The following FHAD1 variants were observed in gnomAD, a reference collection of about 807,000 sequenced individuals.
FHAD1 encodes the protein forkhead-associated domain-containing protein 1.
Under a neutral mutation model 191.3 loss-of-function variants are expected in FHAD1, and 146 were observed. That is an observed-to-expected ratio of 0.76 (90% confidence interval 0.67 to 0.88). The LOEUF (loss-of-function observed/expected upper bound fraction) is 0.88, where lower values mean the gene tolerates loss of function less well. FHAD1 is among the 40% of genes least tolerant of loss of function. The probability of loss-of-function intolerance (pLI) is 0.00; values close to 1 mark genes in which losing one functional copy is unlikely to be tolerated. For missense variants in FHAD1, 1,635 were observed against 1,785.8 expected, an observed-to-expected ratio of 0.92 and a Z score of 1.52; for synonymous variants, 616 against 672.3, an observed-to-expected ratio of 0.92 and a Z score of 1.29.
intron 32 of FHAD1, chr1:15,388,463 A>C: frequency 2.0e-3 from 2,091 of 1,045,368 alleles, no homozygotes; most frequent in Non-Finnish European, 2.3e-3. Context: ...GCTTCAGCTC[A>C]TGGAGCAGCC....
intron 4 of FHAD1, among the ~76,000 whole-genome samples, chr1:15,290,694 CTTT>C (rs34777607): frequency 5.8e-5 from 8 of 138,284 alleles, no homozygotes; most frequent in Admixed American, 7.6e-5. Flanking sequence ...TTAATATGAA[CTTT>C]TTTTTTTTTT....
At chr1:15,400,792 G>A (rs76629649), downstream of FHAD1, among the ~76,000 whole-genome samples, 204 of 152,334 alleles carry the variant, frequency 1.3e-3, no homozygotes, top group African/African-American at 4.5e-3. Context: ...GACTAGGCTC[G>A]TTCACATGTG....
chr1:15,367,426 G>A (rs1334508699), intron 24 of FHAD1, 37 bp from the exon 25 acceptor site: 2 of 1,541,458 alleles, frequency 1.3e-6, no homozygotes, highest in East Asian at 4.9e-5. Context: ...AACCCGGGAG[G>A]CAGAGACCCC....
chr1:15,239,286 G>A (rs976336975), intron 1 of FHAD1, among the ~76,000 whole-genome samples: 5 of 152,082 alleles, frequency 3.3e-5, no homozygotes, highest in African/African-American at 1.2e-4. Flanking sequence ...AGGGATGCTT[G>A]GGTGAACAAG....
At chr1:15,296,545 G>A (rs537921175) in intron 4 of FHAD1, 139 bp from the exon 5 acceptor site, 19 of 837,962 alleles carry the variant, frequency 2.3e-5, no homozygotes, top group East Asian at 8.5e-5. Flanking sequence ...GAGCCACAGC[G>A]CCCGGCCTTT....
intron 22 of FHAD1, among the ~76,000 whole-genome samples, chr1:15,361,958 C>G (rs948068534): frequency 6.6e-6 from 1 of 150,860 alleles, no homozygotes; most frequent in South Asian, 2.1e-4. Context: ...GAGCCGAGAT[C>G]GCGCCATTGC....
upstream of FHAD1, among the ~76,000 whole-genome samples, chr1:15,242,495 T>C (rs147100718): frequency 0.013 from 1,926 of 152,232 alleles, 22 homozygotes; most frequent in Non-Finnish European, 0.02. Context: ...TCACTGTCAC[T>C]CAAAAAAATA....
intron 18 of FHAD1, among the ~76,000 whole-genome samples, chr1:15,346,756 C>T (rs552240902): frequency 4.6e-5 from 7 of 152,328 alleles, no homozygotes; most frequent in East Asian, 1.9e-4. Flanking sequence ...CAGAGGAGTG[C>T]GGGCTTTGCA....
At chr1:15,313,914 T>G (rs1326180133) in intron 8 of FHAD1, among the ~76,000 whole-genome samples, 1 of 150,288 alleles carries the variant, frequency 6.7e-6, no homozygotes, top group Non-Finnish European at 1.5e-5. Flanking sequence ...CTGCTAAAAA[T>G]AACAAAAATT....
At chr1:15,314,639 GTGTGTGGGGGTATGGATGTGT>G (rs1673476652) in intron 8 of FHAD1, 1 of 36,344 alleles carries the variant, frequency 2.8e-5, no homozygotes. Context: ...ATGTATGTGG[GTGTGTGGGGGTATGGATGTGT>G]GGTGTGGGGG....
intron 5 of FHAD1, among the ~76,000 whole-genome samples, chr1:15,297,910 G>T (rs1284711514): frequency 1.3e-5 from 2 of 151,604 alleles, no homozygotes; most frequent in South Asian, 2.1e-4. Context: ...AGTTATTGCG[G>T]TATAGGTGGT....
upstream of FHAD1, among the ~76,000 whole-genome samples, chr1:15,242,467 A>C (rs1055022428): frequency 2.6e-5 from 4 of 152,160 alleles, no homozygotes; most frequent in Non-Finnish European, 5.9e-5. Flanking sequence ...TGAATTTGTT[A>C]ACCACATTCA....
rs1311259435 is a variant in FHAD1 at position 15,284,080 on chromosome 1, C to T, written c.301-5319C>T. Among the ~76,000 whole-genome samples the T allele has an allele frequency of 2.6e-5, 4 of 152,118 alleles. No individual in the cohort carries two copies. In the South Asian group the frequency reaches 6.2e-4, roughly 24 times the overall value. Reference sequence around the variant, plus strand: ...GCACAAAATGTGGGTAAAAATGCTTCCCCTACCCCAGAGTTATTCTCGTGA... The same window carrying T: ...GCACAAAATGTGGGTAAAAATGCTTTCCCTACCCCAGAGTTATTCTCGTGA... On this transcript the variant is annotated intron_variant, in intron 3 of 33. Transcript: ENST00000688493.
At chr1:15,303,575 C>T (rs997938707) in intron 6 of FHAD1, among the ~76,000 whole-genome samples, 4 of 152,186 alleles carry the variant, frequency 2.6e-5, no homozygotes, top group African/African-American at 9.7e-5. Context: ...TGTAGCCGGG[C>T]GTGGTGGCTC....
rs1259316342 is a variant in FHAD1 at position 15,311,313 on chromosome 1, G to T, written c.1040-1744G>T. Among the ~76,000 whole-genome samples the T allele has an allele frequency of 2.0e-5, 3 of 152,180 alleles. No individual in the cohort carries two copies. The highest frequency in any genetic ancestry group is 4.4e-5 in the Non-Finnish European group (3 of 68,040). On this transcript the variant is annotated intron_variant, in intron 7 of 33. Coordinates refer to ENST00000688493, the MANE Select transcript of FHAD1 (RefSeq NM_001391957.1). The surrounding 1 kb of genome is among the most constrained non-coding windows in gnomAD (Gnocchi z 4.1). ...AGTCTTCAGCAGAGTCAGGTGTGAT[G>T]AGCACGTGCATGTGGGCAGGGAAGG...
At chr1:15,241,032 T>C (rs1391445735) in intron 1 of FHAD1, among the ~76,000 whole-genome samples, 1 of 150,878 alleles carries the variant, frequency 6.6e-6, no homozygotes, top group Non-Finnish European at 1.5e-5. Context: ...TCAGATGAGA[T>C]CCCAGCTTGG....
At chr1:15,307,780 T>C (rs2101037159) in intron 6 of FHAD1, among the ~76,000 whole-genome samples, 1 of 151,980 alleles carries the variant, frequency 6.6e-6, no homozygotes, top group East Asian at 1.9e-4. Flanking sequence ...ACCCAGGTTG[T>C]AGTGCAGTGG....
intron 31 of FHAD1, chr1:15,383,942 C>A: frequency 2.5e-6 from 1 of 399,128 alleles, no homozygotes; most frequent in Non-Finnish European, 5.0e-6. Context: ...TGAGTCCCCT[C>A]CTTGTAACTG....
chr1:15,381,445 A>G lies in FHAD1; in HGVS notation c.4016A>G (p.Gln1339Arg). ...LLRGYEKDVEQLRRSKVSIEM... is the reference protein window; with the variant it reads ...LLRGYEKDVERLRRSKVSIEM... The stretch of plus-strand genomic sequence containing the variant: ...AGAGGATATGAAAAGGACGTTGAAC[A>G]GCTCAGGTACCTCGGCACCCCCATG... Residue 1339 changes from glutamine (Q) to arginine (R), a missense_variant, in exon 30 of 34, where the codon CAG (glutamine) becomes CGG (arginine). Transcript: ENST00000688493. The surrounding 1 kb of genome is among the most constrained non-coding windows in gnomAD (Gnocchi z 4.6). The G allele has an allele frequency of 6.4e-7, 1 of 1,551,080 alleles. No individual in the cohort carries two copies.
Sources: gnomAD v4.1 joint callset for allele counts (sites outside exome capture counted in the v4.1 genomes callset) on GRCh38, gnomAD v4.1.1 for gene constraint, Gnocchi (gnomAD v3.1) non-coding constraint, MANE v1.5 for transcripts, NCBI Gene and HGNC (gene_info 2026-07-23, HGNC 2026-07-21) for gene names.